Variants in PIBF1 observed in about 807,000 individuals in gnomAD.
PIBF1 encodes the protein progesterone immunomodulatory binding factor 1.
Under a neutral mutation model 112.5 loss-of-function variants are expected in PIBF1, and 90 were observed. That is an observed-to-expected ratio of 0.80 (90% CI 0.67 to 0.95). PIBF1 has a LOEUF of 0.95. Among genes scored for constraint, PIBF1 ranks in the 40% least tolerant of loss-of-function variants. The pLI, the probability that PIBF1 is intolerant of heterozygous loss-of-function variation, is 0.00. For missense variants in PIBF1, 915 were observed against 852.3 expected (o/e 1.07, Z -0.92); for synonymous variants, 301 against 288.6 (o/e 1.04, Z -0.44).
At chr13:72,899,823 T>G (rs1312434798) in intron 11 of PIBF1, among the ~76,000 whole-genome samples, 3 of 152,154 alleles carry the variant, frequency 2.0e-5, no homozygotes, top group African/African-American at 7.2e-5. Context: ...CTGTCCCTGT[T>G]TGCTGACCAT....
At chr13:72,832,263 C>G (rs982999558) in intron 8 of PIBF1, among the ~76,000 whole-genome samples, 1 of 151,960 alleles carries the variant, frequency 6.6e-6, no homozygotes, top group Non-Finnish European at 1.5e-5. Context: ...AGCCTGTTTA[C>G]ATTTAAGGTT....
Position 72,973,583 on chromosome 13 carries a change from T to C in PIBF1, c.1965-8T>C. Reference sequence around the variant, plus strand: ...ATGACTTTTTAAAACTGGGGTTTTTTTTTTCAGCAACTTAAATAAAGAAAA... The same window carrying C: ...ATGACTTTTTAAAACTGGGGTTTTTCTTTTCAGCAACTTAAATAAAGAAAA... On this transcript the variant is annotated splice_region_variant and splice_polypyrimidine_tract_variant and intron_variant, in intron 15 of 17. Coordinates refer to ENST00000326291, the MANE Select transcript of PIBF1 (RefSeq NM_006346.4). 6.7e-7 allele frequency: 1 copy of C among 1,502,712 alleles called. No homozygotes were observed. Among genetic ancestry groups the C allele is most frequent in the Non-Finnish European group, 9.0e-7 (1 of 1,105,970 alleles). 93.1% of individuals were successfully genotyped at this position (1,502,712 alleles called of 1,614,324 possible). A position where few individuals can be genotyped will look rare whatever the true frequency, so the allele number is the denominator to read the frequency against.
intron 2 of PIBF1, among the ~76,000 whole-genome samples, chr13:72,790,096 C>T (rs920603426): frequency 5.3e-5 from 8 of 152,078 alleles, no homozygotes; most frequent in African/African-American, 1.9e-4. Context: ...TTCTTATGGG[C>T]TGGATTTAGC....
chr13:73,000,486 C>G (rs762669699), intron 17 of PIBF1, among the ~76,000 whole-genome samples: 12 of 152,124 alleles, frequency 7.9e-5, no homozygotes, highest in Non-Finnish European at 1.6e-4. Flanking sequence ...ATACAGCTGC[C>G]GAGGACTGTT....
chr13:72,795,212 G>A (rs1419508191), intron 3 of PIBF1, 147 bp from the exon 4 acceptor site: 2 of 596,352 alleles, frequency 3.4e-6, no homozygotes, highest in East Asian at 3.0e-5. Context: ...TGATTAATAT[G>A]AGTAAATAAG....
chr13:72,852,159 A>C (rs1332510010), intron 9 of PIBF1, among the ~76,000 whole-genome samples: 1 of 152,090 alleles, frequency 6.6e-6, no homozygotes. Flanking sequence ...CATGCCCCTC[A>C]CTCGCCACAT....
chr13:72,942,301 C>G (rs567734797), intron 14 of PIBF1, among the ~76,000 whole-genome samples: 1 of 149,352 alleles, frequency 6.7e-6, no homozygotes, highest in South Asian at 2.1e-4. Flanking sequence ...TTTTGTGTAC[C>G]ACTGTGAGGA....
chr13:73,013,028 G>A (rs1001933444), intron 17 of PIBF1, among the ~76,000 whole-genome samples: 44 of 151,870 alleles, frequency 2.9e-4, no homozygotes, highest in East Asian at 2.7e-3. Flanking sequence ...AGGGCCGGGC[G>A]CGGTGGCTCA....
chr13:72,787,271 A>G (rs538811024), intron 2 of PIBF1, among the ~76,000 whole-genome samples: 2 of 152,270 alleles, frequency 1.3e-5, no homozygotes, highest in Non-Finnish European at 2.9e-5. Context: ...TGTATGTGTT[A>G]TTATATGTTT....
chr13:72,966,661 C>A (rs548955845), intron 15 of PIBF1, among the ~76,000 whole-genome samples: 16 of 152,202 alleles, frequency 1.1e-4, no homozygotes, highest in Admixed American at 3.9e-4. Context: ...GTAATCCCAG[C>A]ACTTTGGGAG....
intron 10 of PIBF1, among the ~76,000 whole-genome samples, chr13:72,893,210 A>G (rs776887865): frequency 1.3e-5 from 2 of 152,146 alleles, no homozygotes; most frequent in Non-Finnish European, 2.9e-5. Flanking sequence ...GGTTATACCT[A>G]TGGAATGAAG....
intron 2 of PIBF1, among the ~76,000 whole-genome samples, chr13:72,791,561 T>C (rs2034930621): frequency 1.3e-5 from 2 of 152,186 alleles, no homozygotes; most frequent in South Asian, 4.1e-4. Context: ...GAAATACCAC[T>C]GTATTATGCC....
At chr13:72,963,566 C>G (rs1285268340) in intron 14 of PIBF1, among the ~76,000 whole-genome samples, 2 of 152,018 alleles carry the variant, frequency 1.3e-5, no homozygotes, top group Non-Finnish European at 2.9e-5. Context: ...TGCACTCCAG[C>G]CTGGGTGACA....
At chr13:72,828,406 C>G (rs773600854) in intron 8 of PIBF1, among the ~76,000 whole-genome samples, 3 of 151,784 alleles carry the variant, frequency 2.0e-5, no homozygotes, top group African/African-American at 4.8e-5. Flanking sequence ...AGATATTTCT[C>G]CTAATGTTAT....
chr13:73,012,057 A>G (rs1158094129), intron 17 of PIBF1, among the ~76,000 whole-genome samples: 1 of 152,102 alleles, frequency 6.6e-6, no homozygotes, highest in African/African-American at 2.4e-5. Context: ...TTATAACAGA[A>G]ACGACAAATG....
At position 72,964,061 on chromosome 13, in the gene PIBF1, A is replaced by C. The variant is rs1329430186; in HGVS notation, c.1834-1213A>C. 2.0e-5 allele frequency among the ~76,000 whole-genome samples: 3 copies of C among 152,240 alleles called. No homozygotes were observed. The East Asian group carries it at 5.8e-4, about 29-fold the overall frequency. On this transcript the variant is annotated intron_variant, in intron 14 of 17. Transcript: ENST00000326291. ...CAATGTTCATAGCAGCATTATTCAC[A>C]ATAGCCAAACAGTGGAAACCCAAGT... is the stretch of plus-strand genomic sequence containing the variant.
chr13:72,838,934 G>C (rs1376944541), intron 9 of PIBF1, among the ~76,000 whole-genome samples: 1 of 152,170 alleles, frequency 6.6e-6, no homozygotes, highest in Admixed American at 6.6e-5. Flanking sequence ...AACTAATTCG[G>C]TATGGCTGAA....
At chr13:73,003,950 A>G (rs558073019) in intron 17 of PIBF1, among the ~76,000 whole-genome samples, 2 of 151,896 alleles carry the variant, frequency 1.3e-5, no homozygotes, top group Admixed American at 6.6e-5. Flanking sequence ...GGCTCAAGCA[A>G]TCCTCCCACC....
chr13:72,920,204 C>A (rs1442386757), intron 13 of PIBF1, among the ~76,000 whole-genome samples: 1 of 152,174 alleles, frequency 6.6e-6, no homozygotes, highest in Non-Finnish European at 1.5e-5. Flanking sequence ...TCTAAAGATT[C>A]TATCACTGAG....
Sources: gnomAD v4.1 joint callset for allele counts (sites outside exome capture counted in the v4.1 genomes callset) on GRCh38, gnomAD v4.1.1 for gene constraint, MANE v1.5 for transcripts, NCBI Gene and HGNC (gene_info 2026-07-23, HGNC 2026-07-21) for gene names.